Variants in KCTD8 observed in about 807,000 individuals in gnomAD.
KCTD8 encodes BTB/POZ domain-containing protein KCTD8.
In KCTD8, 27 loss-of-function variants were observed where a neutral mutation model predicts 31.5. That is an observed-to-expected ratio of 0.86 (90% CI 0.63 to 1.18). The LOEUF is 1.18. Among genes scored for constraint, KCTD8 ranks in the 50% most tolerant of loss-of-function variants. The probability of loss-of-function intolerance (pLI) is 0.00; values close to 1 mark genes in which losing one functional copy is unlikely to be tolerated. For synonymous variants in KCTD8, 290 were observed against 280.0 expected, an observed-to-expected ratio of 1.04 and a Z score of -0.36; for missense variants, 658 against 647.7, an observed-to-expected ratio of 1.02 and a Z score of -0.17.
chr4:44,230,545 T>C (rs1305499602), intron 1 of KCTD8, among the ~76,000 whole-genome samples: 1 of 152,184 alleles, frequency 6.6e-6, no homozygotes, highest in Non-Finnish European at 1.5e-5. Flanking sequence ...TACAAAGCCA[T>C]GTGACAAGTA....
At chr4:44,219,334 T>C (rs1368318150) in intron 1 of KCTD8, among the ~76,000 whole-genome samples, 1 of 152,208 alleles carries the variant, frequency 6.6e-6, no homozygotes, top group East Asian at 1.9e-4. Flanking sequence ...AAGTCTTAAC[T>C]TCCTGTACCT....
intron 1 of KCTD8, among the ~76,000 whole-genome samples, chr4:44,213,493 T>G (rs1714554826): frequency 6.6e-6 from 1 of 152,204 alleles, no homozygotes; most frequent in South Asian, 2.1e-4. Flanking sequence ...TTGACTTACA[T>G]AAATGAAGTT....
chr4:44,393,366 A>G (rs1024195443), intron 1 of KCTD8, among the ~76,000 whole-genome samples: 1 of 152,048 alleles, frequency 6.6e-6, no homozygotes, highest in African/African-American at 2.4e-5. Flanking sequence ...TAAGAAAATT[A>G]GTGTAAAGCA....
At position 44,390,743 on chromosome 4, in the gene KCTD8, G is replaced by A. The variant is rs149317919; in HGVS notation, c.961+56820C>T. Among the ~76,000 whole-genome samples the A allele has an allele frequency of 3.2e-3, 492 of 151,996 alleles. 2 individuals are homozygous for A. Among genetic ancestry groups the A allele is most frequent in the Non-Finnish European group, 5.6e-3 (382 of 67,940 alleles). ...ATAATTCAAAAAATAACAGATGTTG[G>A]CATGGTGAAAAGGAGTTAATGTGGT... On this transcript the variant is annotated intron_variant, in intron 1 of 1. Coordinates refer to ENST00000360029, the MANE Select transcript of KCTD8 (RefSeq NM_198353.3).
intron 1 of KCTD8, among the ~76,000 whole-genome samples, chr4:44,379,056 C>G (rs1719993233): frequency 6.6e-6 from 1 of 152,060 alleles, no homozygotes; most frequent in Admixed American, 6.6e-5. Context: ...CTGTTTCTTA[C>G]AAGGACCCAC....
intron 1 of KCTD8, among the ~76,000 whole-genome samples, chr4:44,410,609 C>T (rs1207009518): frequency 3.9e-5 from 6 of 152,086 alleles, no homozygotes; most frequent in African/African-American, 1.4e-4. Context: ...ACTGGACTTA[C>T]AGTTCCACAT....
At chr4:44,236,979 C>A (rs1267559712) in intron 1 of KCTD8, among the ~76,000 whole-genome samples, 1 of 152,176 alleles carries the variant, frequency 6.6e-6, no homozygotes, top group African/African-American at 2.4e-5. Flanking sequence ...CGCCTTCCAC[C>A]ATGATTGTGA....
At chr4:44,265,517 C>T (rs1716320535) in intron 1 of KCTD8, among the ~76,000 whole-genome samples, 1 of 152,162 alleles carries the variant, frequency 6.6e-6, no homozygotes, top group Non-Finnish European at 1.5e-5. Flanking sequence ...TAGTTCCTCA[C>T]CAGCAATGGA....
chr4:44,235,577 T>TATATATATATA (rs1715265203), intron 1 of KCTD8, among the ~76,000 whole-genome samples: 16 of 38,934 alleles, frequency 4.1e-4, no homozygotes, highest in Non-Finnish European at 7.5e-4. Flanking sequence ...ATATATATAT[T>TATATATATATA]TAGAGAGAGA....
intron 1 of KCTD8, among the ~76,000 whole-genome samples, chr4:44,236,298 C>T (rs1313781277): frequency 2.6e-5 from 4 of 152,152 alleles, no homozygotes; most frequent in African/African-American, 9.7e-5. Context: ...CACACAAGGG[C>T]AGCCTTCTAG....
chr4:44,284,280 T>C (rs1222953730), intron 1 of KCTD8, among the ~76,000 whole-genome samples: 1 of 151,924 alleles, frequency 6.6e-6, no homozygotes, highest in Admixed American at 6.6e-5. Flanking sequence ...CCAAAACAAA[T>C]ACATAGACCA....
intron 1 of KCTD8, among the ~76,000 whole-genome samples, chr4:44,363,413 T>C (rs1043435192): frequency 3.9e-5 from 6 of 152,310 alleles, no homozygotes; most frequent in Admixed American, 2.0e-4. Flanking sequence ...CTCAGGCAAC[T>C]AGCTGAAAAC....
chr4:44,351,252 C>A (rs1173151515), intron 1 of KCTD8, among the ~76,000 whole-genome samples: 3 of 152,058 alleles, frequency 2.0e-5, no homozygotes, highest in African/African-American at 7.2e-5. Context: ...AGGAACAGCT[C>A]CTGGCTGTCT....
At chr4:44,360,029 GACT>G (rs1426437472) in intron 1 of KCTD8, among the ~76,000 whole-genome samples, 1 of 151,980 alleles carries the variant, frequency 6.6e-6, no homozygotes, top group East Asian at 1.9e-4. Context: ...CTCAGGGGTA[GACT>G]ACTTTCCCTT....
At chr4:44,177,000 C>A (rs1167008334) in intron 1 of KCTD8, among the ~76,000 whole-genome samples, 1 of 152,084 alleles carries the variant, frequency 6.6e-6, no homozygotes, top group Admixed American at 6.6e-5. Context: ...AGGAAATACA[C>A]CATTACATTT....
chr4:44,176,342 A>T (rs1713214473), intron 1 of KCTD8, among the ~76,000 whole-genome samples: 3 of 152,124 alleles, frequency 2.0e-5, no homozygotes, highest in Non-Finnish European at 4.4e-5. Flanking sequence ...AATCACCTAC[A>T]AAGCTTCAGA....
At chr4:44,306,900 A>G (rs1019843462) in intron 1 of KCTD8, among the ~76,000 whole-genome samples, 1 of 152,032 alleles carries the variant, frequency 6.6e-6, no homozygotes, top group Non-Finnish European at 1.5e-5. Context: ...AAATTAGACT[A>G]TGTTCAGTTG....
At chr4:44,245,609 A>G (rs532924834) in intron 1 of KCTD8, among the ~76,000 whole-genome samples, 2 of 152,180 alleles carry the variant, frequency 1.3e-5, no homozygotes, top group South Asian at 2.1e-4. Context: ...TATTTTTCTC[A>G]TAATCCAAGA....
chr4:44,359,966 T>TTA (rs1490268565), intron 1 of KCTD8, among the ~76,000 whole-genome samples: 2 of 152,062 alleles, frequency 1.3e-5, no homozygotes, highest in Non-Finnish European at 2.9e-5. Context: ...AAATACACAG[T>TTA]TATGTAGATT....
Sources: gnomAD v4.1 joint callset for allele counts (sites outside exome capture counted in the v4.1 genomes callset) on GRCh38, gnomAD v4.1.1 for gene constraint, MANE v1.5 for transcripts, NCBI Gene and HGNC (gene_info 2026-07-23, HGNC 2026-07-21) for gene names.